The following SYT14 variants were observed in gnomAD, a reference collection of about 807,000 sequenced individuals.
SYT14 encodes the protein synaptotagmin 14, also known as synaptotagmin-14.
A neutral mutation model predicts 74.2 loss-of-function variants in SYT14; 32 were observed. The observed-to-expected ratio is 0.43, with a 90% CI of 0.33 to 0.58. The LOEUF (loss-of-function observed/expected upper bound fraction) is 0.58. Ranked by LOEUF, SYT14 falls within the 20% of genes least tolerant of loss-of-function variation. The pLI, the probability that SYT14 is intolerant of heterozygous loss-of-function variation, is 0.05. For synonymous variants in SYT14, 298 were observed against 337.7 expected (o/e 0.88, Z 1.29); for missense variants, 791 against 981.8 (o/e 0.81, Z 2.60).
intron 2 of SYT14, among the ~76,000 whole-genome samples, chr1:209,976,905 T>A (rs1363616473): frequency 8.5e-5 from 13 of 152,176 alleles, no homozygotes; most frequent in Non-Finnish European, 1.8e-4. Flanking sequence ...TGGGTGCATA[T>A]ATATTTAGGA....
chr1:210,046,734 T>C (rs1482292539), intron 5 of SYT14, among the ~76,000 whole-genome samples: 1 of 152,218 alleles, frequency 6.6e-6, no homozygotes, highest in African/African-American at 2.4e-5. Context: ...TGTATAAATA[T>C]ACCACATATT....
intron 2 of SYT14, among the ~76,000 whole-genome samples, chr1:209,959,624 A>G (rs559649047): frequency 1.7e-4 from 26 of 152,332 alleles, no homozygotes; most frequent in African/African-American, 6.3e-4. Flanking sequence ...GAAACCAGAC[A>G]TAAAAATTGT....
At chr1:210,039,775 A>C (rs960683779) in intron 5 of SYT14, among the ~76,000 whole-genome samples, 8 of 152,222 alleles carry the variant, frequency 5.3e-5, no homozygotes, top group Non-Finnish European at 1.0e-4. Context: ...GAACATATGC[A>C]AAAAAGCTCA....
intron 2 of SYT14, among the ~76,000 whole-genome samples, chr1:209,994,914 A>G (rs1182761365): frequency 6.6e-6 from 1 of 152,246 alleles, no homozygotes; most frequent in East Asian, 1.9e-4. Context: ...AAAGAGAAAT[A>G]AAATCTTCAT....
chr1:210,082,933 A>C (rs1249864301), intron 5 of SYT14, among the ~76,000 whole-genome samples: 1 of 152,140 alleles, frequency 6.6e-6, no homozygotes, highest in Non-Finnish European at 1.5e-5. Context: ...ACTGGTAGAA[A>C]GTTGGTAGCT....
chr1:209,983,107 A>G (rs1159923260), intron 2 of SYT14, among the ~76,000 whole-genome samples: 3 of 151,670 alleles, frequency 2.0e-5, no homozygotes, highest in Non-Finnish European at 4.4e-5. Context: ...CCTTTATCAA[A>G]TGTGTCTTTT....
At chr1:210,093,692 G>A (rs1401160401) in intron 5 of SYT14, among the ~76,000 whole-genome samples, 1 of 152,106 alleles carries the variant, frequency 6.6e-6, no homozygotes, top group Non-Finnish European at 1.5e-5. Context: ...CCTTATAATG[G>A]AGAAGAGACA....
rs189635476 is a variant in SYT14 at position 210,145,181 on chromosome 1, C to A, written c.2035-10540C>A. Among the ~76,000 whole-genome samples, 23 of 152,228 alleles carry A rather than the reference C, an allele frequency of 1.5e-4. No individual in the cohort carries two copies. In the East Asian group the frequency reaches 3.9e-3, roughly 26 times the overall value. On this transcript the variant is annotated intron_variant, in intron 7 of 9. Coordinates refer to ENST00000637265, the Ensembl canonical transcript of SYT14. The stretch of plus-strand genomic sequence containing the variant: ...ACATTTTTAAGTCTATGTTTTGCTA[C>A]AGGGTAAAAAATTGCAATTTTTTGC...
chr1:210,011,481 A>C (rs557364238), intron 2 of SYT14, among the ~76,000 whole-genome samples: 81 of 152,104 alleles, frequency 5.3e-4, no homozygotes, highest in African/African-American at 1.9e-3. Flanking sequence ...TAGCACTCCT[A>C]CCGTTCCTCC....
intron 5 of SYT14, among the ~76,000 whole-genome samples, chr1:210,093,514 T>G (rs923125322): frequency 1.3e-5 from 2 of 152,204 alleles, no homozygotes; most frequent in Non-Finnish European, 2.9e-5. Context: ...ATATGTTTAT[T>G]CTCAATCACC....
intron 7 of SYT14, among the ~76,000 whole-genome samples, chr1:210,139,203 C>T (rs1278971703): frequency 1.3e-5 from 2 of 150,502 alleles, no homozygotes; most frequent in Non-Finnish European, 3.0e-5. Flanking sequence ...TCTCGTGCCT[C>T]AGCCTCTCAA....
intron 7 of SYT14, among the ~76,000 whole-genome samples, chr1:210,105,549 C>T (rs2082143052): frequency 1.3e-5 from 2 of 152,188 alleles, no homozygotes; most frequent in Admixed American, 6.5e-5. Flanking sequence ...TTCTCTGTTA[C>T]TATAGCATAA....
At chr1:210,163,729 T>C (rs753389663) in exon 10 of SYT14, 34 of 452,326 alleles carry the variant, frequency 7.5e-5, no homozygotes, top group Non-Finnish European at 1.3e-4. Context: ...TCTGTTCTTT[T>C]AGAAAAGGAT....
intron 5 of SYT14, among the ~76,000 whole-genome samples, chr1:210,067,178 C>A (rs900785196): frequency 6.6e-6 from 1 of 151,968 alleles, no homozygotes; most frequent in Non-Finnish European, 1.5e-5. Context: ...TTGCCAGTAC[C>A]ACACTCTCTT....
chr1:210,149,187 T>A (rs2083108291), intron 7 of SYT14, among the ~76,000 whole-genome samples: 1 of 146,238 alleles, frequency 6.8e-6, no homozygotes, highest in African/African-American at 2.5e-5. Flanking sequence ...GGAATTTTTT[T>A]TTTTTTTTTT....
intron 7 of SYT14, among the ~76,000 whole-genome samples, chr1:210,130,912 A>T (rs1572352762): frequency 6.6e-6 from 1 of 152,316 alleles, no homozygotes; most frequent in Middle Eastern, 3.4e-3. Flanking sequence ...TTTTGCCATT[A>T]TATTTGTCGG....
intron 7 of SYT14, among the ~76,000 whole-genome samples, chr1:210,119,960 A>G (rs574690968): frequency 1.8e-4 from 28 of 152,290 alleles, no homozygotes; most frequent in Non-Finnish European, 3.5e-4. Flanking sequence ...CCTTAATTTA[A>G]TTTGAGTAAT....
chr1:209,962,893 C>T (rs2079098173), intron 2 of SYT14, among the ~76,000 whole-genome samples: 1 of 152,088 alleles, frequency 6.6e-6, no homozygotes, highest in Non-Finnish European at 1.5e-5. Context: ...TCATTTTCTT[C>T]TTCCCTTATT....
At chr1:210,116,766 AT>A (rs2082369909) in intron 7 of SYT14, among the ~76,000 whole-genome samples, 1 of 152,186 alleles carries the variant, frequency 6.6e-6, no homozygotes, top group Admixed American at 6.5e-5. Flanking sequence ...CACTTATTAA[AT>A]TTATTCATCA....
Sources: allele counts gnomAD v4.1 joint callset (sites outside exome capture counted in the v4.1 genomes callset), GRCh38; gene constraint gnomAD v4.1.1; transcripts MANE v1.5; gene names NCBI Gene and HGNC (gene_info 2026-07-23, HGNC 2026-07-21).